ABHD2: variants seen among roughly 807,000 people sequenced by gnomAD.
ABHD2 encodes monoacylglycerol lipase ABHD2.
Under a neutral mutation model 48.1 loss-of-function variants are expected in ABHD2, and 20 were observed. The observed-to-expected ratio is 0.42, with a 90% CI of 0.29 to 0.60. ABHD2 has a LOEUF of 0.60. ABHD2 is among the 20% of genes least tolerant of loss of function. ABHD2 has a pLI of 0.24. For missense variants in ABHD2, 405 were observed against 550.9 expected (o/e 0.74, Z 2.65); for synonymous variants, 209 against 214.2 (o/e 0.98, Z 0.21).
upstream of ABHD2, chr15:89,087,365 A>G (rs760732183): frequency 3.9e-5 from 6 of 152,156 alleles, no homozygotes; most frequent in Non-Finnish European, 8.8e-5. The surrounding 1 kb of genome is among the most constrained non-coding windows in gnomAD (Gnocchi z 5.5). Context: ...TCCGAGCCCT[A>G]TGGGGCCTTG....
chr15:89,068,094 C>T, the ABHD2 span, among the ~76,000 whole-genome samples: 5 of 152,174 alleles, frequency 3.3e-5, no homozygotes, highest in East Asian at 9.7e-4. Flanking sequence ...GACTTCTACC[C>T]CTCAGGGTCT....
the ABHD2 span, among the ~76,000 whole-genome samples, chr15:89,068,740 T>C: frequency 7.2e-6 from 1 of 138,936 alleles, no homozygotes; most frequent in Admixed American, 7.7e-5. Context: ...CATGAGGAAG[T>C]GGGCAAGCTT....
At position 89,131,112 on chromosome 15, in the gene ABHD2, C is replaced by T. The variant is rs189470289; in HGVS notation, c.194+14591C>T. 6.6e-5 allele frequency among the ~76,000 whole-genome samples: 10 copies of T among 152,280 alleles called. No homozygotes were observed. In the East Asian group the frequency reaches 1.9e-3, roughly 29 times the overall value. On this transcript the variant is annotated intron_variant, in intron 3 of 10. Transcript: ENST00000352732. ...CTTTCTAATTGATCTTGCAGGCCAC[C>T]AAATTATCTTCCTAAAGCACAAATT...
intron 6 of ABHD2, among the ~76,000 whole-genome samples, chr15:89,180,136 G>A (rs2051084176): frequency 1.3e-5 from 2 of 152,336 alleles, no homozygotes; most frequent in Non-Finnish European, 1.5e-5. Flanking sequence ...CAAAGAGGGG[G>A]AAACTGCAGC....
intron 1 of ABHD2, among the ~76,000 whole-genome samples, chr15:89,096,246 T>C (rs2049611586): frequency 6.6e-6 from 1 of 152,230 alleles, no homozygotes; most frequent in African/African-American, 2.4e-5. Flanking sequence ...ATGTAGCTCA[T>C]CTGAATTTAC....
At chr15:89,122,399 T>C (rs994664901) in intron 3 of ABHD2, among the ~76,000 whole-genome samples, 9 of 152,244 alleles carry the variant, frequency 5.9e-5, no homozygotes, top group Non-Finnish European at 1.2e-4. Context: ...TTCTGTATCT[T>C]GTTTTCCATA....
chr15:89,112,132 T>TGG (rs894912348), intron 1 of ABHD2, among the ~76,000 whole-genome samples: 2 of 151,956 alleles, frequency 1.3e-5, no homozygotes, highest in African/African-American at 2.4e-5. Context: ...TAGGGAGTGG[T>TGG]GGGGACTGTG....
the ABHD2 span, among the ~76,000 whole-genome samples, chr15:89,061,891 A>T: frequency 6.6e-6 from 1 of 152,124 alleles, no homozygotes; most frequent in Non-Finnish European, 1.5e-5. Flanking sequence ...GATAATTTCA[A>T]AAAGAGTATT....
chr15:89,103,445 A>C (rs1046112478), intron 1 of ABHD2, among the ~76,000 whole-genome samples: 3 of 152,208 alleles, frequency 2.0e-5, no homozygotes, highest in African/African-American at 7.2e-5. Flanking sequence ...ACAAATCTTC[A>C]TAATGTTTAG....
the ABHD2 span, among the ~76,000 whole-genome samples, chr15:89,062,633 C>G: frequency 6.6e-6 from 1 of 152,102 alleles, no homozygotes; most frequent in African/African-American, 2.4e-5. Flanking sequence ...AGCGATTCAC[C>G]TGCCTCGGCC....
At chr15:89,150,501 C>G (rs775880148) in intron 3 of ABHD2, among the ~76,000 whole-genome samples, 2 of 152,136 alleles carry the variant, frequency 1.3e-5, no homozygotes, top group African/African-American at 4.8e-5. Context: ...GGCTTCATGT[C>G]CTTAAGGTCT....
intron 1 of ABHD2, among the ~76,000 whole-genome samples, chr15:89,103,323 G>A (rs934190303): frequency 1.3e-5 from 2 of 152,130 alleles, no homozygotes; most frequent in African/African-American, 4.8e-5. Context: ...GAGGATATCC[G>A]TGCATATTTT....
At chr15:89,154,788 G>C (rs1439383704) in intron 4 of ABHD2, among the ~76,000 whole-genome samples, 1 of 152,010 alleles carries the variant, frequency 6.6e-6, no homozygotes, top group Non-Finnish European at 1.5e-5. Context: ...CCCTATTTCT[G>C]GGCATTTAGA....
chr15:89,198,914 C>T lies in ABHD2; in HGVS notation c.*3491C>T, dbSNP rs942502409. ...TTGACTGGCTTCTCTTCAGAGTCCCCGTTGTCATCGTAAGACCCTTGCTGT... is the reference window on the plus strand; with the variant it reads ...TTGACTGGCTTCTCTTCAGAGTCCCTGTTGTCATCGTAAGACCCTTGCTGT... On this transcript the variant is annotated 3_prime_UTR_variant, in exon 11 of 11. Coordinates refer to ENST00000352732, the MANE Select transcript of ABHD2 (RefSeq NM_152924.5). This position sits in a 1 kb window ranked among gnomAD's most constrained non-coding sequence, Gnocchi z 5.1. 3 of 152,132 alleles carry T rather than the reference C, an allele frequency of 2.0e-5. No individual in the cohort carries two copies. Among genetic ancestry groups the T allele is most frequent in the African/African-American group, 4.8e-5 (2 of 41,400 alleles). 9.4% of individuals were successfully genotyped at this position (152,132 alleles called of 1,614,324 possible).
At chr15:89,136,657 C>T (rs2050318253) in intron 3 of ABHD2, among the ~76,000 whole-genome samples, 1 of 152,232 alleles carries the variant, frequency 6.6e-6, no homozygotes, top group South Asian at 2.1e-4. Context: ...CATTGCTCTC[C>T]AGCCAGCGCA....
intron 3 of ABHD2, among the ~76,000 whole-genome samples, chr15:89,129,933 C>T (rs1017560237): frequency 6.6e-6 from 1 of 152,054 alleles, no homozygotes; most frequent in Non-Finnish European, 1.5e-5. Flanking sequence ...TAGCAAAAGA[C>T]ATAATGTACA....
At chr15:89,083,085 C>T (rs989609832), upstream of ABHD2, among the ~76,000 whole-genome samples, 3 of 152,202 alleles carry the variant, frequency 2.0e-5, no homozygotes, top group African/African-American at 7.2e-5. The surrounding 1 kb of genome is among the most constrained non-coding windows in gnomAD (Gnocchi z 5.1). Context: ...GAGCTCCTGA[C>T]CTCAAGTGAT....
rs980404920 is a variant in ABHD2, at chr15:89,166,822, TACAA to T, written c.539-8985_539-8982del. On this transcript the variant is annotated intron_variant, in intron 5 of 10. Coordinates refer to ENST00000352732, the MANE Select transcript of ABHD2 (RefSeq NM_152924.5). This position sits in a 1 kb window ranked among gnomAD's most constrained non-coding sequence, Gnocchi z 4.6. ...ATCTCTTAAAACAAACAAACATATA[TACAA>T]ACAATCTTTTGGAACCTCAAGGTAA... Among the ~76,000 whole-genome samples the T allele has an allele frequency of 4.6e-5, 7 of 152,052 alleles. No homozygotes were observed. The highest frequency in any genetic ancestry group is 1.4e-4 in the African/African-American group (6 of 41,398).
the ABHD2 span, among the ~76,000 whole-genome samples, chr15:89,071,802 T>C: frequency 2.0e-5 from 3 of 152,176 alleles, no homozygotes; most frequent in Non-Finnish European, 4.4e-5. Context: ...ATTGGGTATG[T>C]TTATCCTACA....
Sources: gnomAD v4.1 joint callset for allele counts (sites outside exome capture counted in the v4.1 genomes callset) on GRCh38, gnomAD v4.1.1 for gene constraint, Gnocchi (gnomAD v3.1) non-coding constraint, MANE v1.5 for transcripts, NCBI Gene and HGNC (gene_info 2026-07-23, HGNC 2026-07-21) for gene names.